Variants in FAM81A observed in about 807,000 individuals in gnomAD.
FAM81A encodes the protein protein FAM81A.
FAM81A carries 19 observed loss-of-function variants against 46.7 expected under a neutral mutation model. The ratio of observed to expected loss-of-function variants is 0.41; its 90% CI spans 0.28 to 0.60. FAM81A has a LOEUF of 0.60. Ranked by LOEUF, FAM81A falls within the 20% of genes least tolerant of loss-of-function variation. The probability of loss-of-function intolerance (pLI) is 0.34; values close to 1 mark genes in which losing one functional copy is unlikely to be tolerated. For missense variants in FAM81A, 377 were observed against 453.5 expected (o/e 0.83, Z 1.53); for synonymous variants, 183 against 152.9 (o/e 1.20, Z -1.45).
rs574864229 is a variant in FAM81A, at chr15:59,449,080, A to G, written c.-77-9470A>G. Among the ~76,000 whole-genome samples, 393 of 152,330 alleles carry G rather than the reference A, an allele frequency of 2.6e-3. 3 individuals carry two copies. The highest frequency in any genetic ancestry group is 9.3e-3 in the African/African-American group (387 of 41,576). The stretch of plus-strand genomic sequence containing the variant: ...AATGTTGCTATCTAGTTAAGATCAC[A>G]TAGTATTAAGTATGGATAAAATGCT... On this transcript the variant is annotated intron_variant, in intron 1 of 8. Transcript: ENST00000288228.
intron 8 of FAM81A, among the ~76,000 whole-genome samples, chr15:59,519,029 A>G (rs1405277556): frequency 6.6e-6 from 1 of 151,706 alleles, no homozygotes; most frequent in East Asian, 1.9e-4. Flanking sequence ...AATACAATAC[A>G]ATATTATTGA....
chr15:59,430,658 A>G (rs1453826454), intron 2 of FAM81A, among the ~76,000 whole-genome samples: 1 of 152,208 alleles, frequency 6.6e-6, no homozygotes, highest in Non-Finnish European at 1.5e-5. Flanking sequence ...CACTGTGACA[A>G]TGTCACTCAT....
chr15:59,457,089 C>G (rs1567051499), intron 1 of FAM81A, among the ~76,000 whole-genome samples: 1 of 152,160 alleles, frequency 6.6e-6, no homozygotes, highest in Non-Finnish European at 1.5e-5. Flanking sequence ...CCACACTGGC[C>G]TGATTTTATT....
intron 2 of FAM81A, among the ~76,000 whole-genome samples, chr15:59,414,054 A>G (rs2081134672): frequency 6.6e-6 from 1 of 152,128 alleles, no homozygotes; most frequent in Admixed American, 6.6e-5. Flanking sequence ...CCCGGGTTCA[A>G]GCGATTCTCT....
chr15:59,480,698 C>G (rs1457335963), intron 3 of FAM81A, among the ~76,000 whole-genome samples: 3 of 151,990 alleles, frequency 2.0e-5, no homozygotes, highest in African/African-American at 7.3e-5. Flanking sequence ...AGTAGGTGTG[C>G]AAAAACAAGT....
intron 2 of FAM81A, among the ~76,000 whole-genome samples, chr15:59,424,440 C>T (rs550848799): frequency 6.6e-6 from 1 of 152,302 alleles, no homozygotes; most frequent in East Asian, 1.9e-4. Flanking sequence ...TATGTATCTC[C>T]TGTATACTAA....
At position 59,460,230 on chromosome 15, in the gene FAM81A, G is replaced by C. The variant is rs1426421418; in HGVS notation, c.294+24G>C. ...AGGTAAGGTTTGTGAAAGTCAGGTGGCCTATGTCCCTTTCCACAGAATTGC... is the reference window on the plus strand; with the variant it reads ...AGGTAAGGTTTGTGAAAGTCAGGTGCCCTATGTCCCTTTCCACAGAATTGC... On this transcript the variant is annotated intron_variant, in intron 3 of 8. Transcript: ENST00000288228. This position sits in a 1 kb window ranked among gnomAD's most constrained non-coding sequence, Gnocchi z 4.4. 1.7e-5 allele frequency: 28 copies of C among 1,613,792 alleles called. 1 individual carries two copies. Among genetic ancestry groups the C allele is most frequent in the Non-Finnish European group, 2.4e-5 (28 of 1,179,902 alleles).
chr15:59,485,109 A>C (rs2081901621), intron 3 of FAM81A, among the ~76,000 whole-genome samples: 1 of 152,152 alleles, frequency 6.6e-6, no homozygotes, highest in African/African-American at 2.4e-5. Context: ...ATAGAGTACC[A>C]GGTAGATTTC....
In FAM81A at chr15:59,421,745, G is replaced by GTCTA. The variant is rs1242529010; in HGVS notation, c.-78+19432_-78+19435dup. Among the ~76,000 whole-genome samples, 281 of 76,732 alleles carry GTCTA rather than the reference G, an allele frequency of 3.7e-3. 2 individuals are homozygous for GTCTA. The highest frequency in any genetic ancestry group is 0.012 in the African/African-American group (273 of 22,836). 50.3% of individuals were successfully genotyped at this position (76,732 alleles called of 152,430 possible). Reference sequence around the variant, plus strand: ...TGTCTGTCTGTCTATCTATCTATCTGTCTATCTATCTATCTATCTATCTAT... The same window carrying GTCTA: ...TGTCTGTCTGTCTATCTATCTATCTGTCTATCTATCTATCTATCTATCTATCTAT... On this transcript the variant is annotated intron_variant, in intron 2 of 4. Transcript: ENST00000558348.
At chr15:59,421,703 TAAAC>T (rs1235630544) in intron 2 of FAM81A, among the ~76,000 whole-genome samples, 3 of 143,708 alleles carry the variant, frequency 2.1e-5, no homozygotes, top group Non-Finnish European at 4.7e-5. Context: ...ATTAAACCCT[TAAAC>T]TATCTATCTG....
At chr15:59,501,235 T>C (rs117059415) in intron 4 of FAM81A, among the ~76,000 whole-genome samples, 2,907 of 152,244 alleles carry the variant, frequency 0.019, 45 homozygotes, top group Non-Finnish European at 0.027. Flanking sequence ...GTTTGGGAAA[T>C]GGGCACAATT....
In FAM81A at chr15:59,432,979, A is replaced by C. The variant is rs188969164; in HGVS notation, c.-77-25571A>C. Reference sequence around the variant, plus strand: ...TGAAACCCCGTCTCTATTAAAAAAAAAAAATACAAAAAATTAGCTGGGCAT... The same window carrying C: ...TGAAACCCCGTCTCTATTAAAAAAACAAAATACAAAAAATTAGCTGGGCAT... On this transcript the variant is annotated intron_variant, in intron 2 of 4. Coordinates refer to the FAM81A transcript ENST00000558348. 5.1e-3 allele frequency among the ~76,000 whole-genome samples: 758 copies of C among 149,462 alleles called. 5 individuals carry two copies. Among genetic ancestry groups the C allele is most frequent in the South Asian group, 0.032 (148 of 4,692 alleles).
At chr15:59,464,000 C>A (rs1213459163) in intron 3 of FAM81A, among the ~76,000 whole-genome samples, 1 of 152,092 alleles carries the variant, frequency 6.6e-6, no homozygotes, top group East Asian at 1.9e-4. Flanking sequence ...CTAGTATTCT[C>A]TATTCTAATT....
intron 4 of FAM81A, among the ~76,000 whole-genome samples, chr15:59,495,395 T>C (rs1485149533): frequency 2.6e-5 from 4 of 152,260 alleles, no homozygotes; most frequent in African/African-American, 9.6e-5. Context: ...CCTCATTGTG[T>C]ACTGCATTTT....
chr15:59,509,782 G>A (rs899668108), intron 6 of FAM81A, among the ~76,000 whole-genome samples: 5 of 152,264 alleles, frequency 3.3e-5, no homozygotes, highest in South Asian at 2.1e-4. Flanking sequence ...ATAGCCTGTC[G>A]TGGGAGGAAT....
At chr15:59,506,336 G>A (rs1335809852) in intron 4 of FAM81A, among the ~76,000 whole-genome samples, 1 of 152,140 alleles carries the variant, frequency 6.6e-6, no homozygotes, top group Non-Finnish European at 1.5e-5. Context: ...GAGAGTTGGT[G>A]CAGTAGCAGG....
intron 3 of FAM81A, among the ~76,000 whole-genome samples, chr15:59,479,519 GAA>G (rs57107735): frequency 0.49 from 35,736 of 72,806 alleles, 7,734 homozygotes; most frequent in Admixed American, 0.57. Flanking sequence ...TCAAAAATAA[GAA>G]AAAAAAAAAA....
intron 3 of FAM81A, among the ~76,000 whole-genome samples, chr15:59,471,045 G>A (rs1008352032): frequency 9.9e-5 from 15 of 152,088 alleles, no homozygotes; most frequent in Admixed American, 9.2e-4. Flanking sequence ...GAACTTCTGG[G>A]CTCAAGTGAT....
chr15:59,440,548 G>A (rs367549729), intron 1 of FAM81A, among the ~76,000 whole-genome samples: 4 of 152,156 alleles, frequency 2.6e-5, no homozygotes, highest in Admixed American at 2.6e-4. Flanking sequence ...TGACCTTGAA[G>A]TTCCTCAACA....
Sources: gnomAD v4.1 joint callset for allele counts (sites outside exome capture counted in the v4.1 genomes callset) on GRCh38, gnomAD v4.1.1 for gene constraint, Gnocchi (gnomAD v3.1) non-coding constraint, MANE v1.5 for transcripts, NCBI Gene and HGNC (gene_info 2026-07-23, HGNC 2026-07-21) for gene names.